Variants in NCAM2 observed in about 807,000 individuals in gnomAD.
NCAM2 encodes N-CAM-2.
In NCAM2, 30 loss-of-function variants were observed where a neutral mutation model predicts 98.1. The observed-to-expected ratio is 0.31, with a 90% CI of 0.23 to 0.41. NCAM2 has a LOEUF of 0.41. Among genes scored for constraint, NCAM2 ranks in the 10% least tolerant of loss-of-function variants. The pLI is 1.00. For synonymous variants in NCAM2, 368 were observed against 342.4 expected (o/e 1.07, Z -0.83); for missense variants, 867 against 1,005.8 (o/e 0.86, Z 1.87).
chr21:21,223,194 A>G (rs1214405302), intron 1 of NCAM2: 1 of 152,186 alleles, frequency 6.6e-6, no homozygotes, highest in East Asian at 1.9e-4. Flanking sequence ...TCACCTTTAC[A>G]TAATTTCTTA....
At chr21:21,254,991 T>C (rs2147308890) in intron 1 of NCAM2, among the ~76,000 whole-genome samples, 1 of 151,700 alleles carries the variant, frequency 6.6e-6, no homozygotes, top group Non-Finnish European at 1.5e-5. Flanking sequence ...ATAATGTTTA[T>C]ATAATACTGA....
At position 21,369,225 on chromosome 21, in the gene NCAM2, G is replaced by A. The variant is rs966417736; in HGVS notation, c.1045-4638G>A. Among the ~76,000 whole-genome samples the A allele has an allele frequency of 2.0e-5, 3 of 151,710 alleles. No homozygotes were observed. In the Admixed American group the frequency reaches 2.0e-4, roughly 10 times the overall value. ...AAAGAAATTGAATTATTCAATACTA[G>A]TCCTTTGTTATCAGCTTTTTCCTCT... On this transcript the variant is annotated intron_variant, in intron 8 of 17. Transcript: ENST00000400546.
chr21:21,223,093 A>G (rs1287224835), intron 1 of NCAM2, among the ~76,000 whole-genome samples: 14 of 152,142 alleles, frequency 9.2e-5, no homozygotes, highest in African/African-American at 2.4e-5. Context: ...CTTTTATTTT[A>G]TGCAACACAC....
chr21:21,299,232 A>G (rs545877091), intron 5 of NCAM2, among the ~76,000 whole-genome samples: 5 of 151,550 alleles, frequency 3.3e-5, no homozygotes, highest in African/African-American at 4.8e-5. Flanking sequence ...AGGATAACCT[A>G]TGAAACCATA....
chr21:21,070,014 A>G (rs544992760), intron 1 of NCAM2, among the ~76,000 whole-genome samples: 18 of 152,192 alleles, frequency 1.2e-4, no homozygotes, highest in Admixed American at 4.6e-4. Flanking sequence ...GTTTTTGTGC[A>G]TGTGTATGCA....
chr21:21,522,814 TA>T (rs1446315465), intron 16 of NCAM2, among the ~76,000 whole-genome samples: 5 of 151,902 alleles, frequency 3.3e-5, no homozygotes, highest in Admixed American at 2.6e-4. Context: ...GTATTTTTAG[TA>T]GAGGCGGGGT....
At chr21:21,423,586 T>C (rs192621173) in intron 11 of NCAM2, among the ~76,000 whole-genome samples, 1 of 151,960 alleles carries the variant, frequency 6.6e-6, no homozygotes, top group African/African-American at 2.4e-5. Context: ...ACTTTTGTTA[T>C]TTTTTTCCAT....
At chr21:21,094,300 A>G (rs1386324470) in intron 1 of NCAM2, among the ~76,000 whole-genome samples, 1 of 151,994 alleles carries the variant, frequency 6.6e-6, no homozygotes, top group Admixed American at 6.6e-5. Flanking sequence ...TTTGAAAGAC[A>G]TGCAAACAAC....
At chr21:21,234,058 A>G (rs1169227688) in intron 1 of NCAM2, among the ~76,000 whole-genome samples, 2 of 151,834 alleles carry the variant, frequency 1.3e-5, no homozygotes, top group Admixed American at 6.6e-5. Flanking sequence ...TACTCCAGTG[A>G]CAAAGAGTGT....
chr21:21,154,953 T>C (rs1316149752), intron 1 of NCAM2, among the ~76,000 whole-genome samples: 1 of 151,666 alleles, frequency 6.6e-6, no homozygotes, highest in Admixed American at 6.6e-5. Flanking sequence ...TAATGAAAAT[T>C]AAAATTATGA....
At chr21:21,435,286 T>C (rs1978295366) in intron 12 of NCAM2, among the ~76,000 whole-genome samples, 1 of 152,190 alleles carries the variant, frequency 6.6e-6, no homozygotes, top group African/African-American at 2.4e-5. Context: ...ACATAGTAGA[T>C]CAATCCTCTG....
intron 12 of NCAM2, among the ~76,000 whole-genome samples, chr21:21,446,749 C>T (rs1016961193): frequency 1.3e-5 from 2 of 151,996 alleles, no homozygotes; most frequent in Non-Finnish European, 2.9e-5. Flanking sequence ...TATTCCTTTA[C>T]ACCAACAGTA....
At chr21:21,237,903 A>G (rs62209188) in intron 1 of NCAM2, among the ~76,000 whole-genome samples, 3,284 of 151,386 alleles carry the variant, frequency 0.022, 51 homozygotes, top group Admixed American at 0.043. Context: ...CTTCCTTTAA[A>G]GAATCTTTCA....
chr21:21,431,999 A>G, intron 11 of NCAM2, 109 bp from the exon 12 acceptor site: 1 of 872,880 alleles, frequency 1.1e-6, no homozygotes, highest in Non-Finnish European at 1.7e-6. Flanking sequence ...ATATTAAGTG[A>G]TACAGGTAGC....
intron 1 of NCAM2, among the ~76,000 whole-genome samples, chr21:21,080,096 A>T (rs1057213874): frequency 6.6e-6 from 1 of 152,174 alleles, no homozygotes; most frequent in African/African-American, 2.4e-5. Flanking sequence ...CCCAAACAAA[A>T]CAAAAACAAA....
chr21:21,383,452 G>A (rs556426810), intron 9 of NCAM2, among the ~76,000 whole-genome samples: 2 of 151,922 alleles, frequency 1.3e-5, no homozygotes, highest in South Asian at 2.1e-4. Flanking sequence ...TAGTTACCAC[G>A]ATCACTTTGA....
At chr21:21,395,331 G>A (rs2076479716) in intron 9 of NCAM2, among the ~76,000 whole-genome samples, 1 of 151,992 alleles carries the variant, frequency 6.6e-6, no homozygotes, top group Non-Finnish European at 1.5e-5. Flanking sequence ...AGCAGAGCAA[G>A]ACTTTGTCTC....
At chr21:21,361,068 A>G (rs1456115702) in intron 8 of NCAM2, among the ~76,000 whole-genome samples, 1 of 152,082 alleles carries the variant, frequency 6.6e-6, no homozygotes, top group East Asian at 1.9e-4. Context: ...AAACATACCC[A>G]GTGGAACCTG....
At chr21:21,345,506 CT>C (rs1262744757) in intron 8 of NCAM2, among the ~76,000 whole-genome samples, 2 of 151,708 alleles carry the variant, frequency 1.3e-5, no homozygotes, top group Non-Finnish European at 1.5e-5. Context: ...CATTAGAGTC[CT>C]TTAATAGCAG....
Sources: gnomAD v4.1 joint callset for allele counts (sites outside exome capture counted in the v4.1 genomes callset) on GRCh38, gnomAD v4.1.1 for gene constraint, MANE v1.5 for transcripts, NCBI Gene and HGNC (gene_info 2026-07-23, HGNC 2026-07-21) for gene names.